The following FSTL5 variants were observed in gnomAD, a reference collection of about 807,000 sequenced individuals.
The protein encoded by FSTL5 is follistatin-related protein 5.
In FSTL5, 62 loss-of-function variants were observed where a neutral mutation model predicts 89.1. The observed-to-expected ratio is 0.70, with a 90% CI of 0.57 to 0.86. The LOEUF (loss-of-function observed/expected upper bound fraction) is 0.86. Ranked by LOEUF, FSTL5 falls within the 40% of genes least tolerant of loss-of-function variation. The pLI, the probability that FSTL5 is intolerant of heterozygous loss-of-function variation, is 0.00. For synonymous variants in FSTL5, 383 were observed against 346.2 expected, an observed-to-expected ratio of 1.11 and a Z score of -1.18; for missense variants, 1,057 against 1,001.6, an observed-to-expected ratio of 1.06 and a Z score of -0.75.
intron 1 of FSTL5, among the ~76,000 whole-genome samples, chr4:162,113,996 T>A (rs1731542779): frequency 6.6e-6 from 1 of 152,198 alleles, no homozygotes; most frequent in African/African-American, 2.4e-5. Flanking sequence ...TTACATCACC[T>A]GGGCCTAGCA....
At chr4:161,612,439 C>A (rs1392648610) in intron 7 of FSTL5, among the ~76,000 whole-genome samples, 1 of 152,156 alleles carries the variant, frequency 6.6e-6, no homozygotes, top group African/African-American at 2.4e-5. Context: ...TGTGTTTTTG[C>A]ATTTCAACAC....
At chr4:162,011,641 C>G (rs771316465) in intron 3 of FSTL5, among the ~76,000 whole-genome samples, 1 of 152,066 alleles carries the variant, frequency 6.6e-6, no homozygotes, top group Non-Finnish European at 1.5e-5. Context: ...TTACAGGCAA[C>G]TGCCACCATG....
chr4:161,634,955 AT>A (rs1560988950), intron 7 of FSTL5, among the ~76,000 whole-genome samples: 1 of 152,220 alleles, frequency 6.6e-6, no homozygotes, highest in African/African-American at 2.4e-5. Flanking sequence ...TCCTTTCGCA[AT>A]GTATATGTGT....
intron 4 of FSTL5, among the ~76,000 whole-genome samples, chr4:161,829,273 A>C (rs1730768492): frequency 6.6e-6 from 1 of 150,612 alleles, no homozygotes; most frequent in Non-Finnish European, 1.5e-5. Context: ...AAGCTCTTAA[A>C]GTTTTAATTT....
At chr4:161,474,841 G>A (rs546403694) in intron 13 of FSTL5, among the ~76,000 whole-genome samples, 4 of 152,154 alleles carry the variant, frequency 2.6e-5, no homozygotes, top group South Asian at 4.2e-4. Context: ...CACTGTGCTC[G>A]GCCTGTGTAG....
At chr4:162,019,483 G>A (rs1578952205) in intron 3 of FSTL5, among the ~76,000 whole-genome samples, 1 of 151,830 alleles carries the variant, frequency 6.6e-6, no homozygotes, top group East Asian at 1.9e-4. Context: ...AGAACATGGT[G>A]GAATGTAATT....
intron 8 of FSTL5, among the ~76,000 whole-genome samples, chr4:161,576,309 G>T (rs1428857359): frequency 6.6e-6 from 1 of 151,938 alleles, no homozygotes; most frequent in African/African-American, 2.4e-5. Flanking sequence ...CACGGAATTA[G>T]AAAAAAATAC....
At chr4:161,874,083 G>C (rs1313609944) in intron 4 of FSTL5, among the ~76,000 whole-genome samples, 1 of 151,988 alleles carries the variant, frequency 6.6e-6, no homozygotes, top group Non-Finnish European at 1.5e-5. Context: ...GTGTTATTGA[G>C]TATGAATATA....
At chr4:161,972,711 G>A (rs1208110467) in intron 3 of FSTL5, among the ~76,000 whole-genome samples, 1 of 152,184 alleles carries the variant, frequency 6.6e-6, no homozygotes, top group African/African-American at 2.4e-5. Flanking sequence ...GAGATCCAAA[G>A]CAAAGAGCCC....
At chr4:161,839,292 G>C (rs1375411552) in intron 4 of FSTL5, among the ~76,000 whole-genome samples, 1 of 151,964 alleles carries the variant, frequency 6.6e-6, no homozygotes, top group Non-Finnish European at 1.5e-5. Context: ...GAATGAAAGA[G>C]AGAAAGAGAC....
intron 7 of FSTL5, among the ~76,000 whole-genome samples, chr4:161,655,335 C>T (rs1736478852): frequency 6.6e-6 from 1 of 151,910 alleles, no homozygotes; most frequent in African/African-American, 2.4e-5. Context: ...CTATCCAGCT[C>T]TTACTCAGTA....
chr4:161,433,454 C>T (rs72973185), intron 15 of FSTL5, among the ~76,000 whole-genome samples: 2,700 of 152,064 alleles, frequency 0.018, 80 homozygotes, highest in African/African-American at 0.061. Context: ...GCTAGCATCA[C>T]ACTGAGTGGG....
intron 3 of FSTL5, among the ~76,000 whole-genome samples, chr4:161,969,153 C>T (rs760689204): frequency 3.3e-5 from 5 of 152,062 alleles, no homozygotes; most frequent in Non-Finnish European, 7.4e-5. Context: ...AAGAAAAACG[C>T]ACTCCATATT....
At chr4:161,962,369 ATC>A (rs995051596) in intron 3 of FSTL5, among the ~76,000 whole-genome samples, 73 of 152,118 alleles carry the variant, frequency 4.8e-4, no homozygotes, top group African/African-American at 1.8e-3. Context: ...TTGGAAAATC[ATC>A]TCTGTTTGCT....
At chr4:162,137,784 T>C (rs1474693501) in intron 1 of FSTL5, among the ~76,000 whole-genome samples, 1 of 152,212 alleles carries the variant, frequency 6.6e-6, no homozygotes, top group Non-Finnish European at 1.5e-5. Flanking sequence ...TGTTGCTAAT[T>C]ATAACTATAT....
At chr4:162,050,100 C>G (rs975793551) in intron 2 of FSTL5, among the ~76,000 whole-genome samples, 2 of 151,682 alleles carry the variant, frequency 1.3e-5, no homozygotes, top group African/African-American at 4.8e-5. Flanking sequence ...AAAATAGAAA[C>G]ATAAAAACAG....
intron 11 of FSTL5, among the ~76,000 whole-genome samples, chr4:161,503,874 T>A (rs771519147): frequency 6.6e-6 from 1 of 152,044 alleles, no homozygotes; most frequent in Non-Finnish European, 1.5e-5. Flanking sequence ...TGCAATGATA[T>A]GATTTTGGGC....
chr4:161,878,934 A>G (rs1732538107), intron 4 of FSTL5, among the ~76,000 whole-genome samples: 1 of 152,176 alleles, frequency 6.6e-6, no homozygotes, highest in South Asian at 2.1e-4. Context: ...AGAAATTTCT[A>G]TATTCTGGTG....
At chr4:162,140,538 C>T (rs1732688163) in intron 1 of FSTL5, among the ~76,000 whole-genome samples, 1 of 140,008 alleles carries the variant, frequency 7.1e-6, no homozygotes, top group Non-Finnish European at 1.6e-5. Flanking sequence ...GTCATTGCAG[C>T]TCATTTTAAT....
Sources: gnomAD v4.1 joint callset for allele counts (sites outside exome capture counted in the v4.1 genomes callset) on GRCh38, gnomAD v4.1.1 for gene constraint, MANE v1.5 for transcripts, NCBI Gene and HGNC (gene_info 2026-07-23, HGNC 2026-07-21) for gene names.